ST6GALNAC1: variants seen among roughly 807,000 people sequenced by gnomAD.
ST6GALNAC1 encodes alpha-N-acetylgalactosaminide alpha-2,6-sialyltransferase 1.
Under a neutral mutation model 56.8 loss-of-function variants are expected in ST6GALNAC1, and 45 were observed. The observed-to-expected ratio is 0.79, with a 90% CI of 0.62 to 1.02. The LOEUF (loss-of-function observed/expected upper bound fraction) is 1.02. Ranked by LOEUF, ST6GALNAC1 falls within the 50% of genes least tolerant of loss-of-function variation. ST6GALNAC1 has a pLI of 0.00. For missense variants in ST6GALNAC1, 743 were observed against 754.8 expected (o/e 0.98, Z 0.18); for synonymous variants, 295 against 297.8 (o/e 0.99, Z 0.10).
downstream of ST6GALNAC1, among the ~76,000 whole-genome samples, chr17:76,623,187 T>A (rs1598284982): frequency 6.6e-6 from 1 of 152,226 alleles, no homozygotes; most frequent in East Asian, 1.9e-4. Flanking sequence ...TGCTTGGGTC[T>A]ATTTCTGGAC....
the ST6GALNAC1 span, among the ~76,000 whole-genome samples, chr17:76,619,430 C>G: frequency 8.5e-5 from 13 of 152,192 alleles, no homozygotes; most frequent in African/African-American, 2.7e-4. Flanking sequence ...CAAGTTCATA[C>G]TGATACCTTG....
intron 1 of ST6GALNAC1, 50 bp downstream of exon 1, chr17:76,643,458 G>C (rs1174747782): frequency 3.1e-6 from 5 of 1,600,752 alleles, no homozygotes; most frequent in Non-Finnish European, 1.7e-6. Context: ...TCATTTTTCT[G>C]TTTCCTCAAA....
intron 1 of ST6GALNAC1, chr17:76,637,423 A>G: frequency 3.2e-6 from 1 of 310,090 alleles, no homozygotes; most frequent in Non-Finnish European, 5.8e-6. Context: ...AGCCACAGCC[A>G]CTTTCTTCCT....
Position 76,629,400 on chromosome 17 carries a change from G to A in ST6GALNAC1, c.443C>T (p.Ser148Phe). 6.2e-7 allele frequency: 1 copy of A among 1,614,200 alleles called. No homozygotes were observed. Among genetic ancestry groups the A allele is most frequent in the Non-Finnish European group, 8.5e-7 (1 of 1,180,032 alleles). Reference sequence around the variant, plus strand: ...CCATGATTGTGCCTCTGTCCTGCCAGAGGCCATCCCTGCATCTTGCCCTCT... The same window carrying A: ...CCATGATTGTGCCTCTGTCCTGCCAAAGGCCATCCCTGCATCTTGCCCTCT... ...SPRGQDAGMASGRTEAQSWKS... is the reference protein window; with the variant it reads ...SPRGQDAGMAFGRTEAQSWKS... The change falls in exon 2 of 9, where the codon TCT (serine) becomes TTT (phenylalanine). Residue 148 changes from serine to phenylalanine, a missense_variant. Transcript: ENST00000156626.
the ST6GALNAC1 span, among the ~76,000 whole-genome samples, chr17:76,617,683 G>T: frequency 3.3e-5 from 5 of 151,722 alleles, no homozygotes; most frequent in East Asian, 3.9e-4. Context: ...AGGTGAGAGG[G>T]TCACCTGAGC....
intron 1 of ST6GALNAC1, among the ~76,000 whole-genome samples, chr17:76,642,747 A>G (rs1424538238): frequency 1.3e-5 from 2 of 152,126 alleles, no homozygotes; most frequent in African/African-American, 4.8e-5. Context: ...CCTGGCCAAC[A>G]TGGTGAAAAC....
chr17:76,623,555 AGACT>A (rs1443409879), downstream of ST6GALNAC1, among the ~76,000 whole-genome samples: 1 of 152,206 alleles, frequency 6.6e-6, no homozygotes. Flanking sequence ...TTCCTCATAC[AGACT>A]TTGTTGCTCT....
chr17:76,628,496 T>C (rs936051606), intron 2 of ST6GALNAC1, among the ~76,000 whole-genome samples: 6 of 152,150 alleles, frequency 3.9e-5, no homozygotes, highest in African/African-American at 1.4e-4. Context: ...AAGGACCATG[T>C]GGGTGGGTGT....
chr17:76,635,185 T>C (rs1315218037), intron 1 of ST6GALNAC1, among the ~76,000 whole-genome samples: 1 of 152,210 alleles, frequency 6.6e-6, no homozygotes, highest in Non-Finnish European at 1.5e-5. Context: ...GATGTTATTA[T>C]GTTCTGGGAC....
In ST6GALNAC1 at chr17:76,629,481, C is replaced by T; in HGVS notation, c.362G>A (p.Arg121Lys). 6.2e-7 allele frequency: 1 copy of T among 1,614,084 alleles called. No individual in the cohort carries two copies. Residue 121 changes from arginine (R) to lysine (K), a missense_variant, in exon 2 of 9, where the codon AGG (arginine) becomes AAG (lysine). Physicochemically the swap from Arg to Lys is conservative, Grantham distance 26 (BLOSUM62 2). Transcript: ENST00000156626. ...EQDKVPHTAQ[R>K]AAWKSPEKEK... ...TTTTTCTGGGCTCTTCCATGCTGCCCTCTGTGCTGTGTGGGGCACCTTGTC... is the reference window on the plus strand; with the variant it reads ...TTTTTCTGGGCTCTTCCATGCTGCCTTCTGTGCTGTGTGGGGCACCTTGTC...
Position 76,626,711 on chromosome 17 carries a change from G to T in ST6GALNAC1, c.1251C>A (p.Ser417=), listed in dbSNP as rs2075804094. The T allele has an allele frequency of 1.9e-6, 3 of 1,614,230 alleles. No homozygotes were observed. Among genetic ancestry groups the T allele is most frequent in the Non-Finnish European group, 2.5e-6 (3 of 1,180,044 alleles). The change falls in exon 5 of 9, where the codon TCC becomes TCA. Residue 417 remains serine (S), a synonymous_variant. Coordinates refer to ENST00000156626, the MANE Select transcript of ST6GALNAC1 (RefSeq NM_018414.5). ...CCAATATAAGGAGTGACTGGGTCAGGGAGAAGGCGGTAAAGCCGTAGAAGG... is the reference window on the plus strand; with the variant it reads ...CCAATATAAGGAGTGACTGGGTCAGTGAGAAGGCGGTAAAGCCGTAGAAGG... ...RTSFYGFTAF[S]LTQSLLILGN...
chr17:76,640,226 G>A (rs1036992788), intron 1 of ST6GALNAC1, among the ~76,000 whole-genome samples: 1 of 152,174 alleles, frequency 6.6e-6, no homozygotes, highest in African/African-American at 2.4e-5. Context: ...CCACCGGGAA[G>A]TGCTGAACTT....
intron 5 of ST6GALNAC1, 75 bp downstream of exon 5, chr17:76,626,576 C>A: frequency 6.3e-7 from 1 of 1,599,016 alleles, no homozygotes; most frequent in Non-Finnish European, 8.5e-7. Flanking sequence ...ATGAAAGCCT[C>A]TCCTCTCCCT....
chr17:76,641,781 G>A (rs149925657), intron 1 of ST6GALNAC1: 1 of 152,290 alleles, frequency 6.6e-6, no homozygotes, highest in East Asian at 1.9e-4. Flanking sequence ...AAACTTGATA[G>A]GGGTTGGTTA....
chr17:76,635,071 G>A (rs1024223708), intron 1 of ST6GALNAC1, among the ~76,000 whole-genome samples: 1 of 152,104 alleles, frequency 6.6e-6, no homozygotes, highest in African/African-American at 2.4e-5. Flanking sequence ...GAAAAAAATG[G>A]CAGAAATCCA....
intron 1 of ST6GALNAC1, chr17:76,637,794 T>A: frequency 2.5e-6 from 1 of 398,420 alleles, no homozygotes; most frequent in South Asian, 1.3e-4. Context: ...TGGATGGGAG[T>A]TCAGAATCAG....
In ST6GALNAC1 at chr17:76,627,402, G is replaced by A. The variant is rs556854185; in HGVS notation, c.1000+13C>T. 1.2e-6 allele frequency: 2 copies of A among 1,613,960 alleles called. No homozygotes were observed. The highest frequency in any genetic ancestry group is 3.3e-5 in the Admixed American group (2 of 60,012). On this transcript the variant is annotated intron_variant, in intron 3 of 8. Transcript: ENST00000156626. The surrounding 1 kb of genome is among the most constrained non-coding windows in gnomAD (Gnocchi z 4.4). ...ACTGCGCACCCACACCTTCCCCTGG[G>A]TTAAGGACTCACAGGAGTAGTTGAG...
In ST6GALNAC1 at chr17:76,627,440, A is replaced by C. The variant is rs1344231380; in HGVS notation, c.975T>G (p.Phe325Leu). Residue 325 changes from phenylalanine to leucine, a missense_variant, in exon 3 of 9, where the codon TTT becomes TTG. Phe to Leu is a conservative substitution (Grantham distance 22). Coordinates refer to ENST00000156626, the MANE Select transcript of ST6GALNAC1 (RefSeq NM_018414.5). This position sits in a 1 kb window ranked among gnomAD's most constrained non-coding sequence, Gnocchi z 4.4. The part of the protein sequence containing the change: ...WDRLEHFAPP[F>L]GFMELNYSLV... ...AGGAGTAGTTGAGCTCCATGAAGCC[A>C]AAGGGTGGTGCAAAGTGTTCCAGGC... is the stretch of plus-strand genomic sequence containing the variant. The C allele has an allele frequency of 8.1e-6, 13 of 1,614,056 alleles. No individual in the cohort carries two copies. The highest frequency in any genetic ancestry group is 4.0e-5 in the African/African-American group (3 of 74,924).
Position 76,632,055 on chromosome 17 carries a change from T to C in ST6GALNAC1, c.132-2344A>G, listed in dbSNP as rs148812163. Among the ~76,000 whole-genome samples, 32 of 152,166 alleles carry C rather than the reference T, an allele frequency of 2.1e-4. No homozygotes were observed. The East Asian group carries it at 4.8e-3, about 23-fold the overall frequency. On this transcript the variant is annotated intron_variant, in intron 1 of 8. Transcript: ENST00000156626. Reference sequence around the variant, plus strand: ...CTTGGTCTGACTACTCAGTGTAACCTCTAAGCTCACGTGGGCCATTCAGCA... The same window carrying C: ...CTTGGTCTGACTACTCAGTGTAACCCCTAAGCTCACGTGGGCCATTCAGCA...
Sources: allele counts gnomAD v4.1 joint callset (sites outside exome capture counted in the v4.1 genomes callset), GRCh38; gene constraint gnomAD v4.1.1; non-coding constraint Gnocchi (gnomAD v3.1); transcripts MANE v1.5; gene names NCBI Gene and HGNC (gene_info 2026-07-23, HGNC 2026-07-21).